ASRGL1: variants seen among roughly 807,000 people sequenced by gnomAD.
The protein encoded by ASRGL1 is isoaspartyl peptidase/L-asparaginase.
A neutral mutation model predicts 22.4 loss-of-function variants in ASRGL1; 16 were observed. The ratio of observed to expected loss-of-function variants is 0.71; its 90% CI spans 0.48 to 1.08. The LOEUF (loss-of-function observed/expected upper bound fraction) is 1.08, where lower values mean the gene tolerates loss of function less well. Among genes scored for constraint, ASRGL1 ranks in the 50% least tolerant of loss-of-function variants. ASRGL1 has a pLI of 0.00. For missense variants in ASRGL1, 412 were observed against 410.1 expected (o/e 1.00, Z -0.04); for synonymous variants, 165 against 159.3 (o/e 1.04, Z -0.27).
intron 4 of ASRGL1, among the ~76,000 whole-genome samples, chr11:62,362,694 TATATATTATATAAA>T (rs1946499438): frequency 1.2e-5 from 1 of 86,020 alleles, no homozygotes; most frequent in South Asian, 2.8e-4. Context: ...AAATATATAT[TATATATTATATAAA>T]ATATATTATA....
At chr11:62,363,574 C>T (rs1946536785) in intron 4 of ASRGL1, among the ~76,000 whole-genome samples, 1 of 152,114 alleles carries the variant, frequency 6.6e-6, no homozygotes, top group Admixed American at 6.5e-5. Flanking sequence ...TATAAAAAGA[C>T]TATAAGTGAT....
intron 2 of ASRGL1, among the ~76,000 whole-genome samples, chr11:62,354,239 AGGGTGCTAGTGGTAAAAACAACAG>A (rs1415942462): frequency 9.2e-5 from 14 of 152,334 alleles, no homozygotes; most frequent in Non-Finnish European, 1.2e-4. Context: ...ATATAGAGAA[AGGGTGCTAGTGGTAAAAACAACAG>A]CATGTGCAAA....
In ASRGL1 at chr11:62,338,022, C is replaced by A. The variant is rs765286213; in HGVS notation, c.45C>A (p.Ile15=). 2 of 1,607,756 alleles carry A rather than the reference C, an allele frequency of 1.2e-6. No individual in the cohort carries two copies. The highest frequency in any genetic ancestry group is 1.7e-6 in the Non-Finnish European group (2 of 1,177,558). The change falls in exon 2 of 7, where the codon ATC becomes ATA. Residue 15 remains isoleucine, a synonymous_variant. Coordinates refer to ENST00000415229, the MANE Select transcript of ASRGL1 (RefSeq NM_001083926.2). ...TCCACGGCGGCGGAGCCGGTCCCAT[C>A]TCCAAGGATCGGAAGGAGCGAGTGC... is the stretch of plus-strand genomic sequence containing the variant. ...VVVHGGGAGP[I]SKDRKERVHQ... is the part of the protein sequence containing the mutation.
intron 6 of ASRGL1, 105 bp from the exon 7 acceptor site, chr11:62,391,974 C>T (rs535109428): frequency 4.4e-6 from 6 of 1,373,498 alleles, no homozygotes; most frequent in Non-Finnish European, 6.2e-6. Flanking sequence ...GTTCATTTAC[C>T]AAAAATCCTT....
At chr11:62,338,263 C>T in intron 2 of ASRGL1, 96 bp downstream of exon 2, 1 of 1,244,544 alleles carries the variant, frequency 8.0e-7, no homozygotes, top group Non-Finnish European at 1.1e-6. Context: ...ATCTAATGAG[C>T]TTTGGGGTGA....
At chr11:62,373,961 C>G (rs1373815125) in intron 4 of ASRGL1, among the ~76,000 whole-genome samples, 1 of 152,228 alleles carries the variant, frequency 6.6e-6, no homozygotes, top group East Asian at 1.9e-4. Context: ...CCTGCGGAGC[C>G]AGGGCTGAGC....
intron 2 of ASRGL1, among the ~76,000 whole-genome samples, chr11:62,355,800 G>C (rs1000122886): frequency 5.3e-5 from 8 of 152,214 alleles, no homozygotes; most frequent in African/African-American, 1.7e-4. Flanking sequence ...CTGGGTACTT[G>C]AGATTAGGGA....
chr11:62,374,104 G>C (rs1036554109), intron 4 of ASRGL1, among the ~76,000 whole-genome samples: 8 of 152,188 alleles, frequency 5.3e-5, no homozygotes. Context: ...TTTCTCCCCT[G>C]CCTGGATCCT....
At chr11:62,399,680 T>C in the ASRGL1 span, among the ~76,000 whole-genome samples, 1 of 152,142 alleles carries the variant, frequency 6.6e-6, no homozygotes, top group Non-Finnish European at 1.5e-5. Context: ...TCCAGGCACC[T>C]CTAGGACCCA....
At chr11:62,398,121 T>TG (rs1045275043), downstream of ASRGL1, among the ~76,000 whole-genome samples, 4 of 151,950 alleles carry the variant, frequency 2.6e-5, no homozygotes, top group African/African-American at 9.7e-5. Context: ...GCAGGAGCCA[T>TG]GCAGCGCTGG....
intron 5 of ASRGL1, among the ~76,000 whole-genome samples, chr11:62,391,305 C>T (rs564900014): frequency 6.6e-6 from 1 of 152,300 alleles, no homozygotes; most frequent in East Asian, 1.9e-4. Context: ...AAAGGTCAGG[C>T]CTGCCCCTCT....
At chr11:62,391,693 A>G (rs947274154) in intron 6 of ASRGL1, 61 bp downstream of exon 6, 8 of 1,516,642 alleles carry the variant, frequency 5.3e-6, no homozygotes, top group Non-Finnish European at 5.3e-6. Flanking sequence ...AAGGTATTTG[A>G]TAAGTAAGCG....
intron 2 of ASRGL1, among the ~76,000 whole-genome samples, chr11:62,344,736 A>G (rs1945969866): frequency 6.6e-6 from 1 of 152,204 alleles, no homozygotes; most frequent in South Asian, 2.1e-4. Flanking sequence ...TGTGTTATAA[A>G]CAATTATATT....
At chr11:62,388,003 T>C (rs887952204) in intron 4 of ASRGL1, among the ~76,000 whole-genome samples, 2 of 152,136 alleles carry the variant, frequency 1.3e-5, no homozygotes, top group Non-Finnish European at 2.9e-5. Flanking sequence ...GCAAACATCA[T>C]AGGGGTGCAC....
intron 4 of ASRGL1, chr11:62,371,611 CT>C: frequency 1.5e-6 from 1 of 664,758 alleles, no homozygotes. Context: ...CAAAGGGGAG[CT>C]TTTGATTTTG....
chr11:62,376,523 G>A (rs1263746572), intron 4 of ASRGL1, among the ~76,000 whole-genome samples: 1 of 151,892 alleles, frequency 6.6e-6, no homozygotes, highest in East Asian at 1.9e-4. Flanking sequence ...CCTTCATGTG[G>A]GCTGTTCTTT....
chr11:62,395,423 G>A (rs1947420724), downstream of ASRGL1, among the ~76,000 whole-genome samples: 1 of 152,134 alleles, frequency 6.6e-6, no homozygotes, highest in Non-Finnish European at 1.5e-5. Flanking sequence ...AGGAGTTGCT[G>A]CAGTCAGGAC....
At chr11:62,345,258 C>T (rs1945987216) in intron 2 of ASRGL1, among the ~76,000 whole-genome samples, 1 of 152,080 alleles carries the variant, frequency 6.6e-6, no homozygotes, top group Non-Finnish European at 1.5e-5. Context: ...CACATGGTAG[C>T]TGTATTCTTA....
chr11:62,379,913 T>TGACA lies in ASRGL1; in HGVS notation c.492-9220_492-9219insGACA, dbSNP rs1460078402. Reference sequence around the variant, plus strand: ...TTGCCCATTTCTATCAAATTTAGAATTTGATAGAATTCTAATAGTGTTTTT... The same window carrying TGACA: ...TTGCCCATTTCTATCAAATTTAGAATGACATTGATAGAATTCTAATAGTGTTTTT... On this transcript the variant is annotated intron_variant, in intron 4 of 6. Coordinates refer to ENST00000415229, the MANE Select transcript of ASRGL1 (RefSeq NM_001083926.2). Among the ~76,000 whole-genome samples the TGACA allele has an allele frequency of 9.7e-3, 1,478 of 152,272 alleles. 31 individuals carry two copies. Among genetic ancestry groups the TGACA allele is most frequent in the African/African-American group, 0.031 (1,288 of 41,528 alleles).
Sources: allele counts gnomAD v4.1 joint callset (sites outside exome capture counted in the v4.1 genomes callset), GRCh38; gene constraint gnomAD v4.1.1; transcripts MANE v1.5; gene names NCBI Gene and HGNC (gene_info 2026-07-23, HGNC 2026-07-21).